Variants in RABGAP1L observed in about 807,000 individuals in gnomAD.
RABGAP1L encodes RAB GTPase activating protein 1 like.
Under a neutral mutation model 137.7 loss-of-function variants are expected in RABGAP1L, and 63 were observed. The ratio of observed to expected loss-of-function variants is 0.46; its 90% CI spans 0.37 to 0.56. The LOEUF (loss-of-function observed/expected upper bound fraction) is 0.56, where lower values mean the gene tolerates loss of function less well. Ranked by LOEUF, RABGAP1L falls within the 20% of genes least tolerant of loss-of-function variation. The probability of loss-of-function intolerance (pLI) is 0.00; values close to 1 mark genes in which losing one functional copy is unlikely to be tolerated. For synonymous variants in RABGAP1L, 431 were observed against 433.7 expected, an observed-to-expected ratio of 0.99 and a Z score of 0.08; for missense variants, 1,095 against 1,244.0, an observed-to-expected ratio of 0.88 and a Z score of 1.80.
intron 9 of RABGAP1L, among the ~76,000 whole-genome samples, chr1:174,276,151 ATTATT>A (rs973569147): frequency 1.2e-3 from 175 of 152,142 alleles, no homozygotes; most frequent in African/African-American, 4.1e-3. Flanking sequence ...TATTATTGTT[ATTATT>A]TTAAGAGACA....
intron 13 of RABGAP1L, among the ~76,000 whole-genome samples, chr1:174,475,830 A>G (rs1401153527): frequency 6.7e-6 from 1 of 150,172 alleles, no homozygotes; most frequent in East Asian, 1.9e-4. Flanking sequence ...CTTCTGCTGT[A>G]TAATTATCTA....
chr1:174,967,881 T>C (rs1021854885), intron 20 of RABGAP1L, among the ~76,000 whole-genome samples: 10 of 151,800 alleles, frequency 6.6e-5, no homozygotes, highest in Non-Finnish European at 1.2e-4. Context: ...TTAGTCGATA[T>C]GTTTTTCAAT....
At chr1:174,166,724 A>G (rs1664940847) in intron 1 of RABGAP1L, among the ~76,000 whole-genome samples, 1 of 152,234 alleles carries the variant, frequency 6.6e-6, no homozygotes, top group Non-Finnish European at 1.5e-5. Flanking sequence ...TTCTAATTAA[A>G]TAGTGTGTAG....
At chr1:174,890,513 A>G (rs916977905) in intron 19 of RABGAP1L, among the ~76,000 whole-genome samples, 1 of 152,204 alleles carries the variant, frequency 6.6e-6, no homozygotes, top group Non-Finnish European at 1.5e-5. Context: ...TTTTTAAAGT[A>G]CAGGTTTTGA....
rs899644399 is a variant in RABGAP1L, at chr1:174,529,428, G to T, written c.1711-107947G>T. ...TGTAAACAACACCAGTGGTGTCTGT[G>T]ATTTCCTTAGTGGCTTAGGGTGTAG... On this transcript the variant is annotated intron_variant, in intron 13 of 25. Coordinates refer to ENST00000681986, the MANE Select transcript of RABGAP1L (RefSeq NM_001366446.1). Among the ~76,000 whole-genome samples, 7 of 152,146 alleles carry T rather than the reference G, an allele frequency of 4.6e-5. No individual in the cohort carries two copies. The East Asian group carries it at 1.2e-3, about 25-fold the overall frequency.
chr1:174,258,459 T>C (rs60141888), intron 7 of RABGAP1L, among the ~76,000 whole-genome samples: 9,203 of 152,196 alleles, frequency 0.06, 962 homozygotes, highest in African/African-American at 0.21. Context: ...TAATTAAACA[T>C]CTTTTTTTTG....
intron 13 of RABGAP1L, among the ~76,000 whole-genome samples, chr1:174,470,411 G>A (rs1657783154): frequency 6.6e-6 from 1 of 152,146 alleles, no homozygotes; most frequent in Non-Finnish European, 1.5e-5. Context: ...GTAATGATGA[G>A]TTTTTATTCA....
chr1:174,905,239 G>C, intron 19 of RABGAP1L, among the ~76,000 whole-genome samples: 1 of 152,162 alleles, frequency 6.6e-6, no homozygotes, highest in East Asian at 1.9e-4. Flanking sequence ...TAATCCTTCA[G>C]TGCAAAAACC....
intron 14 of RABGAP1L, among the ~76,000 whole-genome samples, chr1:174,648,057 T>A (rs979245200): frequency 2.0e-5 from 3 of 152,138 alleles, no homozygotes; most frequent in Non-Finnish European, 2.9e-5. Context: ...ATATCCCCTT[T>A]ATCATTTTTT....
chr1:174,207,976 A>G (rs1668615715), intron 1 of RABGAP1L, among the ~76,000 whole-genome samples: 1 of 152,212 alleles, frequency 6.6e-6, no homozygotes, highest in Admixed American at 6.5e-5. Flanking sequence ...AAGAATTGAC[A>G]ATTTAACAAC....
intron 11 of RABGAP1L, among the ~76,000 whole-genome samples, chr1:174,368,440 TTCCTTA>T (rs543551189): frequency 1.3e-5 from 2 of 152,228 alleles, no homozygotes; most frequent in Non-Finnish European, 2.9e-5. Flanking sequence ...TCTTACCTGT[TTCCTTA>T]TGCTTTTAGG....
intron 13 of RABGAP1L, among the ~76,000 whole-genome samples, chr1:174,417,030 C>T (rs1442192471): frequency 1.3e-5 from 2 of 151,990 alleles, no homozygotes. Flanking sequence ...TTATTAGTTT[C>T]TAAAATAAGC....
chr1:174,938,924 C>G (rs1665357077), intron 19 of RABGAP1L, among the ~76,000 whole-genome samples: 1 of 152,132 alleles, frequency 6.6e-6, no homozygotes, highest in Non-Finnish European at 1.5e-5. Context: ...AATAACACCC[C>G]ACCCCAGACT....
chr1:174,175,452 A>G (rs1332057427), intron 1 of RABGAP1L, among the ~76,000 whole-genome samples: 1 of 149,448 alleles, frequency 6.7e-6, no homozygotes, highest in Non-Finnish European at 1.5e-5. Context: ...TTGTATTGCA[A>G]CTTGCCTGTT....
chr1:174,348,421 TTTG>T (rs1682654000), intron 11 of RABGAP1L, among the ~76,000 whole-genome samples: 1 of 151,006 alleles, frequency 6.6e-6, no homozygotes, highest in Admixed American at 6.6e-5. Flanking sequence ...TTCTAAACTT[TTTG>T]TTGTTTCTAT....
At chr1:174,847,641 C>G (rs1573481439) in intron 19 of RABGAP1L, among the ~76,000 whole-genome samples, 1 of 133,830 alleles carries the variant, frequency 7.5e-6, no homozygotes, top group Admixed American at 7.8e-5. Context: ...CCCGACCTTT[C>G]TCTCTGGCTG....
At chr1:174,725,963 A>T (rs1327765975) in intron 17 of RABGAP1L, among the ~76,000 whole-genome samples, 1 of 152,114 alleles carries the variant, frequency 6.6e-6, no homozygotes, top group Non-Finnish European at 1.5e-5. Flanking sequence ...TGTACCCTGA[A>T]ACTTAAAGTA....
At chr1:174,856,071 G>A (rs1649226497) in intron 19 of RABGAP1L, among the ~76,000 whole-genome samples, 1 of 152,098 alleles carries the variant, frequency 6.6e-6, no homozygotes, top group South Asian at 2.1e-4. Flanking sequence ...GTTTGTACTG[G>A]CAGAGCGTAG....
chr1:174,173,130 G>T (rs1040769061), intron 1 of RABGAP1L, among the ~76,000 whole-genome samples: 1 of 150,126 alleles, frequency 6.7e-6, no homozygotes, highest in Admixed American at 6.6e-5. Flanking sequence ...AAGTTAAAAA[G>T]ATTTTTTTTT....
Sources: gnomAD v4.1 joint callset for allele counts (sites outside exome capture counted in the v4.1 genomes callset) on GRCh38, gnomAD v4.1.1 for gene constraint, MANE v1.5 for transcripts, NCBI Gene and HGNC (gene_info 2026-07-23, HGNC 2026-07-21) for gene names.